GRM5: variants seen among roughly 807,000 people sequenced by gnomAD.
The protein encoded by GRM5 is metabotropic glutamate receptor 5.
In GRM5, 19 loss-of-function variants were observed where a neutral mutation model predicts 83.1. The observed-to-expected ratio is 0.23, with a 90% CI of 0.16 to 0.34. The LOEUF (loss-of-function observed/expected upper bound fraction) is 0.34. Among genes scored for constraint, GRM5 ranks in the 10% least tolerant of loss-of-function variants. The probability of loss-of-function intolerance (pLI) is 1.00; values close to 1 mark genes in which losing one functional copy is unlikely to be tolerated. For missense variants in GRM5, 1,160 were observed against 1,588.3 expected, an observed-to-expected ratio of 0.73 and a Z score of 4.58; for synonymous variants, 675 against 633.6, an observed-to-expected ratio of 1.07 and a Z score of -0.98.
chr11:89,016,431 A>G (rs1940858010), intron 2 of GRM5, among the ~76,000 whole-genome samples: 1 of 152,020 alleles, frequency 6.6e-6, no homozygotes. Flanking sequence ...AGGACTTTGA[A>G]TAACAATATT....
intron 3 of GRM5, among the ~76,000 whole-genome samples, chr11:88,762,687 T>G (rs1942548227): frequency 6.6e-6 from 1 of 151,964 alleles, no homozygotes; most frequent in Non-Finnish European, 1.5e-5. Context: ...TGGTATATAT[T>G]CAAATGAATA....
chr11:89,000,854 A>G (rs1353526980), intron 2 of GRM5, among the ~76,000 whole-genome samples: 2 of 152,100 alleles, frequency 1.3e-5, no homozygotes, highest in African/African-American at 2.4e-5. Context: ...TTAAAACTCA[A>G]TGTTTAAAAA....
intron 3 of GRM5, among the ~76,000 whole-genome samples, chr11:88,784,022 A>G (rs1943022198): frequency 6.6e-6 from 1 of 152,000 alleles, no homozygotes; most frequent in African/African-American, 2.4e-5. Context: ...GATTACATTA[A>G]TTTCTTCCCA....
At chr11:88,799,323 A>G (rs1355652387) in intron 3 of GRM5, among the ~76,000 whole-genome samples, 1 of 151,632 alleles carries the variant, frequency 6.6e-6, no homozygotes, top group African/African-American at 2.4e-5. Flanking sequence ...CGTTTAACAT[A>G]GCAATTTATC....
chr11:88,554,491 A>G (rs1942581226), intron 8 of GRM5, among the ~76,000 whole-genome samples: 1 of 152,078 alleles, frequency 6.6e-6, no homozygotes. Context: ...ATTCTATCCT[A>G]TTACTTCCCT....
intron 2 of GRM5, among the ~76,000 whole-genome samples, chr11:88,915,175 G>C (rs1945567415): frequency 6.6e-6 from 1 of 152,034 alleles, no homozygotes; most frequent in Non-Finnish European, 1.5e-5. Flanking sequence ...GAGAGCAAGA[G>C]AAATTCAGTG....
chr11:89,040,201 G>A (rs1347437449), intron 2 of GRM5, among the ~76,000 whole-genome samples: 2 of 151,850 alleles, frequency 1.3e-5, no homozygotes, highest in Admixed American at 6.6e-5. Context: ...AAAATCCTTA[G>A]TTCTCATGTC....
At chr11:88,832,428 A>G (rs1286041767) in intron 3 of GRM5, among the ~76,000 whole-genome samples, 1 of 152,184 alleles carries the variant, frequency 6.6e-6, no homozygotes, top group Non-Finnish European at 1.5e-5. Flanking sequence ...AGACCTTTAC[A>G]AAGAAAACTA....
intron 3 of GRM5, among the ~76,000 whole-genome samples, chr11:88,668,284 TC>T: frequency 8.5e-6 from 1 of 117,002 alleles, no homozygotes. Context: ...ATTTAAAACA[TC>T]CCCAGAAACT....
chr11:88,682,683 A>G (rs1226276659), intron 3 of GRM5, among the ~76,000 whole-genome samples: 3 of 151,978 alleles, frequency 2.0e-5, no homozygotes, highest in Non-Finnish European at 4.4e-5. Flanking sequence ...ATATCTGCCT[A>G]TGATGCTTTG....
At chr11:88,936,029 T>C (rs190557480) in intron 2 of GRM5, among the ~76,000 whole-genome samples, 14 of 151,978 alleles carry the variant, frequency 9.2e-5, no homozygotes, top group Non-Finnish European at 1.9e-4. Context: ...ATCCCACAGT[T>C]CATTTTTCTA....
At chr11:88,555,204 G>A (rs576013425) in intron 8 of GRM5, among the ~76,000 whole-genome samples, 1 of 152,228 alleles carries the variant, frequency 6.6e-6, no homozygotes, top group South Asian at 2.1e-4. Context: ...GAATATGTAA[G>A]TCCATTGTTC....
At chr11:88,977,860 G>C (rs998739782) in intron 2 of GRM5, among the ~76,000 whole-genome samples, 2 of 152,132 alleles carry the variant, frequency 1.3e-5, no homozygotes, top group African/African-American at 4.8e-5. Flanking sequence ...ACAATGCCCT[G>C]GTAAATATAG....
intron 8 of GRM5, among the ~76,000 whole-genome samples, chr11:88,528,492 T>G (rs1591325596): frequency 6.6e-6 from 1 of 151,878 alleles, no homozygotes; most frequent in Non-Finnish European, 1.5e-5. Flanking sequence ...CTCAACATTT[T>G]TTTCCAGTTG....
intron 3 of GRM5, among the ~76,000 whole-genome samples, chr11:88,689,031 A>C (rs1287373750): frequency 2.0e-5 from 3 of 152,138 alleles, no homozygotes; most frequent in Non-Finnish European, 4.4e-5. Context: ...TTAATAACGT[A>C]ATGCTCACAG....
intron 2 of GRM5, among the ~76,000 whole-genome samples, chr11:88,987,338 C>A (rs921247971): frequency 2.6e-5 from 4 of 152,000 alleles, no homozygotes; most frequent in Non-Finnish European, 5.9e-5. Flanking sequence ...ATTATATCCC[C>A]CAGCTGGCTC....
chr11:88,944,065 G>A (rs1938197145), intron 2 of GRM5, among the ~76,000 whole-genome samples: 1 of 152,016 alleles, frequency 6.6e-6, no homozygotes, highest in Non-Finnish European at 1.5e-5. Flanking sequence ...TGCCTAAAGC[G>A]AGATGCATTT....
intron 3 of GRM5, among the ~76,000 whole-genome samples, chr11:88,763,665 G>A (rs562582806): frequency 7.9e-5 from 12 of 151,736 alleles, no homozygotes; most frequent in Admixed American, 4.6e-4. Context: ...AGTTATTAAA[G>A]TTAAACAGGT....
chr11:88,656,686 C>T (rs1227442427), intron 3 of GRM5, among the ~76,000 whole-genome samples: 1 of 151,924 alleles, frequency 6.6e-6, no homozygotes, highest in Non-Finnish European at 1.5e-5. Context: ...CACAAGATGG[C>T]TGTAATATAC....
Sources: allele counts gnomAD v4.1 joint callset (sites outside exome capture counted in the v4.1 genomes callset), GRCh38; gene constraint gnomAD v4.1.1; transcripts MANE v1.5; gene names NCBI Gene and HGNC (gene_info 2026-07-23, HGNC 2026-07-21).